The following CLTCL1 variants were observed in gnomAD, a reference collection of about 807,000 sequenced individuals.
CLTCL1 encodes the protein clathrin heavy chain like 1, also known as clathrin heavy chain 2.
A neutral mutation model predicts 190.0 loss-of-function variants in CLTCL1; 159 were observed. The ratio of observed to expected loss-of-function variants is 0.84; its 90% CI spans 0.74 to 0.95. The LOEUF is 0.95. Among genes scored for constraint, CLTCL1 ranks in the 40% least tolerant of loss-of-function variants. The pLI is 0.00. For synonymous variants in CLTCL1, 752 were observed against 769.6 expected, an observed-to-expected ratio of 0.98 and a Z score of 0.38; for missense variants, 1,878 against 2,033.4, an observed-to-expected ratio of 0.92 and a Z score of 1.47.
At chr22:19,257,410 C>A in intron 2 of CLTCL1, 1 of 179,524 alleles carries the variant, frequency 5.6e-6, no homozygotes, top group Non-Finnish European at 1.2e-5. Flanking sequence ...GGACCCTTAC[C>A]TTATACCATA....
intron 3 of CLTCL1, among the ~76,000 whole-genome samples, chr22:19,248,967 G>A (rs1601640862): frequency 6.6e-6 from 1 of 152,148 alleles, no homozygotes; most frequent in Non-Finnish European, 1.5e-5. Context: ...AATGTCCAGC[G>A]CCCCAAGACC....
chr22:19,241,995 T>G (rs1408270390), intron 4 of CLTCL1, among the ~76,000 whole-genome samples: 5 of 130,748 alleles, frequency 3.8e-5, no homozygotes, highest in Admixed American at 8.3e-5. Flanking sequence ...CAGGCTGGAG[T>G]GCAGTGGCGC....
intron 27 of CLTCL1, among the ~76,000 whole-genome samples, chr22:19,188,340 C>T (rs1200710824): frequency 6.6e-6 from 1 of 152,230 alleles, no homozygotes; most frequent in African/African-American, 2.4e-5. Flanking sequence ...GGGTCCAGAC[C>T]ACCACAATAA....
At position 19,233,198 on chromosome 22, in the gene CLTCL1, G is replaced by T. The variant is rs782469077; in HGVS notation, c.1489C>A (p.Gln497Lys). ...KVIQCFAETG[Q>K]FQKIVLYAKK... Reference sequence around the variant, plus strand: ...GCATAGAGCACAATTTTCTGGAATTGGCCTGTTTCTGCAAAACACTGGATC... The same window carrying T: ...GCATAGAGCACAATTTTCTGGAATTTGCCTGTTTCTGCAAAACACTGGATC... Residue 497 changes from glutamine (Q) to lysine (K), a missense_variant, in exon 9 of 33, where the codon CAA (glutamine) becomes AAA (lysine). Physicochemically the swap from Gln to Lys is moderately conservative, Grantham distance 53. Transcript: ENST00000427926. 2 of 1,613,828 alleles carry T rather than the reference G, an allele frequency of 1.2e-6. No homozygotes were observed. Among genetic ancestry groups the T allele is most frequent in the Non-Finnish European group, 8.5e-7 (1 of 1,179,736 alleles).
Position 19,235,810 on chromosome 22 carries a change from G to A in CLTCL1, c.855C>T (p.Tyr285=), listed in dbSNP as rs782596045. The change falls in exon 6 of 33, where the codon TAC becomes TAT. Residue 285 remains tyrosine, a synonymous_variant. Coordinates refer to ENST00000427926, the MANE Select transcript of CLTCL1 (RefSeq NM_007098.4). The part of the protein sequence containing the change: ...LITKYGYLHL[Y]DLESGVCICM... Reference sequence around the variant, plus strand: ...AGATGCACACGCCAGACTCTAGGTCGTACAGATGAAGATAGCCATACTTTG... The same window carrying A: ...AGATGCACACGCCAGACTCTAGGTCATACAGATGAAGATAGCCATACTTTG... 59 of 1,613,766 alleles carry A rather than the reference G, an allele frequency of 3.7e-5. No homozygotes were observed. The highest frequency in any genetic ancestry group is 2.9e-4 in the East Asian group (13 of 44,900).
chr22:19,239,464 A>C, intron 4 of CLTCL1, 76 bp from the exon 5 acceptor site: 1 of 1,029,054 alleles, frequency 9.7e-7, no homozygotes, highest in Non-Finnish European at 1.5e-6. Flanking sequence ...CACAGAGGCA[A>C]GTGGAGCCTC....
Position 19,196,414 on chromosome 22 carries a change from A to G in CLTCL1, c.4043T>C (p.Val1348Ala). Residue 1348 changes from valine (V) to alanine (A), a missense_variant and splice_region_variant, in exon 26 of 33, where the codon GTG becomes GCG. By Grantham distance (64) the Val-to-Ala change is moderately conservative. Coordinates refer to ENST00000427926, the MANE Select transcript of CLTCL1 (RefSeq NM_007098.4). ...GTGTGCCTGCTCTGCAGCCCTCAGC[A>G]CCTGGACAAGGAGGTCAGGGTCGGC... ...LFWSRVNIPK[V>A]LRAAEQAHLW... The G allele has an allele frequency of 6.2e-7, 1 of 1,613,970 alleles. No homozygotes were observed. The highest frequency in any genetic ancestry group is 8.5e-7 in the Non-Finnish European group (1 of 1,179,884).
chr22:19,229,321 T>C (rs570977325), intron 11 of CLTCL1, among the ~76,000 whole-genome samples: 1 of 152,224 alleles, frequency 6.6e-6, no homozygotes, highest in Non-Finnish European at 1.5e-5. Context: ...ATATGCTAAG[T>C]GAAAAAAGCC....
At position 19,210,311 on chromosome 22, in the gene CLTCL1, C is replaced by T. The variant is rs782196037; in HGVS notation, c.3249+15G>A. 1.4e-5 allele frequency: 23 copies of T among 1,611,696 alleles called. No homozygotes were observed. Among genetic ancestry groups the T allele is most frequent in the Non-Finnish European group, 2.0e-5 (23 of 1,178,270 alleles). ...GAAGGTGCTAGGTCCGACATGCTTA[C>T]ACTCAGCAGCCCACCTGGATTGCTG... On this transcript the variant is annotated intron_variant, in intron 20 of 32. Coordinates refer to ENST00000427926, the MANE Select transcript of CLTCL1 (RefSeq NM_007098.4).
intron 26 of CLTCL1, among the ~76,000 whole-genome samples, chr22:19,193,142 A>ACT (rs3080842): frequency 0.75 from 114,193 of 152,024 alleles, 44,114 homozygotes; most frequent in East Asian, 0.94. Flanking sequence ...AGCCCATTTC[A>ACT]GAGACTCTTG....
At chr22:19,259,952 A>G (rs980597866) in intron 2 of CLTCL1, among the ~76,000 whole-genome samples, 12 of 152,246 alleles carry the variant, frequency 7.9e-5, no homozygotes, top group Non-Finnish European at 1.5e-4. Flanking sequence ...AGGAAATTAA[A>G]AGTGCTATTT....
chr22:19,183,261 GC>G, intron 30 of CLTCL1, 128 bp downstream of exon 30: 2 of 745,700 alleles, frequency 2.7e-6, no homozygotes, highest in Non-Finnish European at 4.5e-6. Flanking sequence ...CCTGAAGGCA[GC>G]CAGGGCTGGC....
chr22:19,240,338 GAC>G, intron 4 of CLTCL1, among the ~76,000 whole-genome samples: 1 of 152,254 alleles, frequency 6.6e-6, no homozygotes. Flanking sequence ...AAGGGTAAGA[GAC>G]ACAAAACAAG....
intron 2 of CLTCL1, 91 bp from the exon 3 acceptor site, chr22:19,254,318 T>C (rs807430): frequency 0.065 from 71,792 of 1,107,530 alleles, 2,581 homozygotes; most frequent in Middle Eastern, 0.11. Context: ...TCTTTTAATA[T>C]TACTTTAGGT....
intron 29 of CLTCL1, chr22:19,184,635 C>A: frequency 2.2e-6 from 1 of 449,810 alleles, no homozygotes; most frequent in South Asian, 1.6e-5. Context: ...TGTCTCCCTG[C>A]CGTGCCCTCC....
At chr22:19,257,802 T>G (rs1423653675) in intron 2 of CLTCL1, 1 of 1,426,926 alleles carries the variant, frequency 7.0e-7, no homozygotes, top group East Asian at 3.7e-5. Flanking sequence ...CCTGGCCTCC[T>G]ACCTGGACAG....
intron 31 of CLTCL1, 137 bp downstream of exon 31, chr22:19,180,594 A>G: frequency 2.5e-6 from 2 of 789,590 alleles, no homozygotes; most frequent in South Asian, 1.6e-5. Context: ...CTCCACACCC[A>G]GTAGCCACTG....
chr22:19,199,953 T>C (rs1490858809), intron 23 of CLTCL1, 112 bp from the exon 24 acceptor site: 1 of 641,116 alleles, frequency 1.6e-6, no homozygotes. Flanking sequence ...TGGGGTATTT[T>C]AAGTTGGATT....
chr22:19,181,572 A>G (rs2084139896), intron 30 of CLTCL1: 1 of 152,070 alleles, frequency 6.6e-6, no homozygotes, highest in Admixed American at 6.5e-5. Context: ...CCTCCCTACA[A>G]TGGGAGAGCG....
Sources: allele counts gnomAD v4.1 joint callset (sites outside exome capture counted in the v4.1 genomes callset), GRCh38; gene constraint gnomAD v4.1.1; transcripts MANE v1.5; gene names NCBI Gene and HGNC (gene_info 2026-07-23, HGNC 2026-07-21).